The following ADAMTSL3 variants were observed in gnomAD, a reference collection of about 807,000 sequenced individuals.
ADAMTSL3 encodes the protein ADAMTS-like protein 3.
ADAMTSL3 carries 128 observed loss-of-function variants against 201.7 expected under a neutral mutation model. That is an observed-to-expected ratio of 0.63 (90% CI 0.55 to 0.73). The LOEUF (loss-of-function observed/expected upper bound fraction) is 0.73. Among genes scored for constraint, ADAMTSL3 ranks in the 30% least tolerant of loss-of-function variants. The pLI is 0.00. For missense variants in ADAMTSL3, 1,990 were observed against 2,119.6 expected, an observed-to-expected ratio of 0.94 and a Z score of 1.20; for synonymous variants, 738 against 748.4, an observed-to-expected ratio of 0.99 and a Z score of 0.23.
At chr15:83,662,753 G>A (rs1036746927) in intron 2 of ADAMTSL3, among the ~76,000 whole-genome samples, 1 of 152,086 alleles carries the variant, frequency 6.6e-6, no homozygotes, top group African/African-American at 2.4e-5. Flanking sequence ...TACGGGTGTG[G>A]TGGGCACTGG....
At chr15:83,690,554 C>T (rs2061596988) in intron 2 of ADAMTSL3, among the ~76,000 whole-genome samples, 1 of 152,166 alleles carries the variant, frequency 6.6e-6, no homozygotes, top group Non-Finnish European at 1.5e-5. Flanking sequence ...GTGGTCATTG[C>T]CTCTGTAATG....
In ADAMTSL3 at chr15:83,983,247, AG is replaced by A; in HGVS notation, c.3621del (p.Thr1208GlnfsTer31). ...TGGAAATACAGTATACATTACAAAA[AG>A]GACAGAGGTCATCAATATACTGTGT... is the stretch of plus-strand genomic sequence containing the variant. ...RIGNTVYITK[R>X]TEVINILCDL... On this transcript the variant is annotated frameshift_variant, in exon 21 of 30. Transcript: ENST00000286744. LOFTEE classifies it high-confidence loss of function. 6.2e-7 allele frequency: 1 copy of A among 1,613,782 alleles called. No homozygotes were observed. Among genetic ancestry groups the A allele is most frequent in the South Asian group, 1.1e-5 (1 of 90,940 alleles).
At chr15:83,821,324 A>AG (rs1223479864) in intron 6 of ADAMTSL3, among the ~76,000 whole-genome samples, 5 of 149,572 alleles carry the variant, frequency 3.3e-5, no homozygotes, top group Non-Finnish European at 7.4e-5. Context: ...ACAATAGTGG[A>AG]GGGAAGGTCA....
At chr15:83,969,369 G>C (rs922173345) in intron 19 of ADAMTSL3, among the ~76,000 whole-genome samples, 6 of 152,152 alleles carry the variant, frequency 3.9e-5, no homozygotes, top group Non-Finnish European at 8.8e-5. Context: ...GCTTGAATCT[G>C]AGAGGCAGAG....
chr15:83,823,645 C>T (rs2063933191), intron 6 of ADAMTSL3, among the ~76,000 whole-genome samples: 2 of 152,186 alleles, frequency 1.3e-5, no homozygotes, highest in South Asian at 4.1e-4. Context: ...ACTGCATTAA[C>T]AGCTTTCTGT....
At chr15:83,731,460 A>T (rs1175259648) in intron 3 of ADAMTSL3, among the ~76,000 whole-genome samples, 3 of 152,110 alleles carry the variant, frequency 2.0e-5, no homozygotes, top group African/African-American at 7.2e-5. Context: ...GTTGGTGGGA[A>T]TGTAAATTAG....
intron 19 of ADAMTSL3, among the ~76,000 whole-genome samples, chr15:83,946,745 A>G (rs1253107187): frequency 6.6e-6 from 1 of 152,148 alleles, no homozygotes; most frequent in Non-Finnish European, 1.5e-5. Context: ...AGAAAAGGAA[A>G]CTTAAGAGGA....
chr15:83,993,232 G>A (rs1219054584), intron 23 of ADAMTSL3, among the ~76,000 whole-genome samples: 7 of 152,200 alleles, frequency 4.6e-5, no homozygotes, highest in African/African-American at 7.2e-5. Flanking sequence ...TTTACAGACA[G>A]TCTTGTCACT....
chr15:83,708,928 G>A lies in ADAMTSL3; in HGVS notation c.189+4420G>A, dbSNP rs142031894. 1.5e-3 allele frequency among the ~76,000 whole-genome samples: 232 copies of A among 152,252 alleles called. 1 individual carries two copies. Among genetic ancestry groups the A allele is most frequent in the African/African-American group, 5.3e-3 (219 of 41,534 alleles). On this transcript the variant is annotated intron_variant, in intron 3 of 29. Transcript: ENST00000286744. ...GCAAATGACTTACTCAAGGACACCC[G>A]TGGTTATTTGAAAAACTAAGACCAT...
At chr15:83,926,391 G>A (rs935269468) in intron 17 of ADAMTSL3, among the ~76,000 whole-genome samples, 1 of 152,222 alleles carries the variant, frequency 6.6e-6, no homozygotes, top group Non-Finnish European at 1.5e-5. Context: ...GAGCAATGAA[G>A]TGGTACATCA....
intron 26 of ADAMTSL3, among the ~76,000 whole-genome samples, chr15:84,024,037 C>T (rs1433989010): frequency 2.0e-5 from 3 of 152,268 alleles, no homozygotes; most frequent in South Asian, 2.1e-4. Context: ...GGGCGGATCA[C>T]GAGGTCAGGA....
At chr15:84,005,401 T>A (rs1301526080) in intron 23 of ADAMTSL3, among the ~76,000 whole-genome samples, 1 of 152,266 alleles carries the variant, frequency 6.6e-6, no homozygotes, top group East Asian at 1.9e-4. Flanking sequence ...GAGTTCCTCC[T>A]ATCCCCTTTA....
At chr15:83,676,414 G>A (rs1567065256) in intron 2 of ADAMTSL3, among the ~76,000 whole-genome samples, 1 of 152,196 alleles carries the variant, frequency 6.6e-6, no homozygotes, top group East Asian at 1.9e-4. Context: ...CGTGGTGGCT[G>A]ACACCTGTAA....
chr15:83,664,978 T>C (rs1475226878), intron 2 of ADAMTSL3, among the ~76,000 whole-genome samples: 1 of 151,696 alleles, frequency 6.6e-6, no homozygotes, highest in Non-Finnish European at 1.5e-5. Flanking sequence ...TAACATGGAG[T>C]TCTGTGGTTG....
intron 17 of ADAMTSL3, among the ~76,000 whole-genome samples, chr15:83,925,257 C>T (rs17158526): frequency 0.014 from 2,202 of 152,234 alleles, 59 homozygotes; most frequent in African/African-American, 0.047. Context: ...CAGTGTGTGC[C>T]TCATCCTTGG....
chr15:83,817,964 C>T (rs1023011151), intron 5 of ADAMTSL3, among the ~76,000 whole-genome samples: 1 of 152,166 alleles, frequency 6.6e-6, no homozygotes, highest in African/African-American at 2.4e-5. Context: ...AGGAGAATCA[C>T]TTGAACCTGG....
At chr15:84,031,625 T>C (rs1449459605) in intron 28 of ADAMTSL3, among the ~76,000 whole-genome samples, 193 bp downstream of exon 28, 1 of 152,224 alleles carries the variant, frequency 6.6e-6, no homozygotes, top group Non-Finnish European at 1.5e-5. Flanking sequence ...GCACTATTTA[T>C]AACTATAAAT....
intron 4 of ADAMTSL3, among the ~76,000 whole-genome samples, chr15:83,797,133 T>G (rs2063439846): frequency 1.3e-5 from 2 of 151,988 alleles, no homozygotes; most frequent in Admixed American, 6.6e-5. Context: ...ATCTTGACAA[T>G]GAATATAACC....
intron 3 of ADAMTSL3, among the ~76,000 whole-genome samples, chr15:83,714,864 CCCTCCCTCCCTCCCTTCCTT>C (rs1401539299): frequency 0.045 from 3,602 of 80,736 alleles, 87 homozygotes; most frequent in Non-Finnish European, 0.052. Flanking sequence ...CTCCCTCCCT[CCCTCCCTCCCTCCCTTCCTT>C]CCTTCCTTCC....
Sources: gnomAD v4.1 joint callset for allele counts (sites outside exome capture counted in the v4.1 genomes callset) on GRCh38, gnomAD v4.1.1 for gene constraint, MANE v1.5 for transcripts, NCBI Gene and HGNC (gene_info 2026-07-23, HGNC 2026-07-21) for gene names.